The following RIMS2 variants were observed in gnomAD, a reference collection of about 807,000 sequenced individuals.
RIMS2 encodes regulating synaptic membrane exocytosis 2.
RIMS2 carries 59 observed loss-of-function variants against 174.4 expected under a neutral mutation model. That is an observed-to-expected ratio of 0.34 (90% confidence interval 0.27 to 0.42). The LOEUF (loss-of-function observed/expected upper bound fraction) is 0.42, where lower values mean the gene tolerates loss of function less well. RIMS2 is among the 10% of genes least tolerant of loss of function. The pLI, the probability that RIMS2 is intolerant of heterozygous loss-of-function variation, is 1.00. For missense variants in RIMS2, 1,620 were observed against 1,666.3 expected (o/e 0.97, Z 0.48); for synonymous variants, 606 against 572.5 (o/e 1.06, Z -0.84).
At chr8:103,834,631 G>A (rs989791482) in intron 3 of RIMS2, among the ~76,000 whole-genome samples, 22 of 149,642 alleles carry the variant, frequency 1.5e-4, no homozygotes, top group Non-Finnish European at 2.7e-4. Context: ...GTTTTTGCTC[G>A]AACTCCTTCC....
intron 19 of RIMS2, among the ~76,000 whole-genome samples, chr8:104,172,153 T>C (rs1278329943): frequency 6.6e-6 from 1 of 152,208 alleles, no homozygotes; most frequent in East Asian, 1.9e-4. Flanking sequence ...ATCCCTTAGG[T>C]AGGCAATCAT....
downstream of RIMS2, chr8:104,251,982 A>G (rs983226755): frequency 2.0e-5 from 12 of 609,566 alleles, no homozygotes; most frequent in Admixed American, 1.2e-4. Context: ...AGTTGCACAC[A>G]TTGTGCCCTA....
intron 15 of RIMS2, among the ~76,000 whole-genome samples, chr8:103,967,434 T>C (rs2092194079): frequency 6.6e-6 from 1 of 151,948 alleles, no homozygotes; most frequent in South Asian, 2.1e-4. Context: ...CCCCACGTAA[T>C]CCACCAGCCT....
chr8:103,885,754 G>T lies in RIMS2; in HGVS notation c.1155G>T (p.Met385Ile), dbSNP rs535325892. The T allele has an allele frequency of 1.9e-6, 3 of 1,612,986 alleles. No homozygotes were observed. In the East Asian group the frequency reaches 6.7e-5, roughly 36 times the overall value. The change falls in exon 4 of 24, where the codon ATG becomes ATT. Residue 385 changes from methionine (M) to isoleucine (I), a missense_variant. Met to Ile is a conservative substitution (Grantham distance 10). Transcript: ENST00000504942. Reference sequence around the variant, plus strand: ...ATCTGGAAGATTCCAGGATTTCTATGCTAAGGATGGATCGACCATCAAGGC... The same window carrying T: ...ATCTGGAAGATTCCAGGATTTCTATTCTAAGGATGGATCGACCATCAAGGC...
chr8:104,204,068 C>T (rs553256860), intron 19 of RIMS2, among the ~76,000 whole-genome samples: 1 of 152,112 alleles, frequency 6.6e-6, no homozygotes, highest in Admixed American at 6.6e-5. Flanking sequence ...CCATTCCACC[C>T]ACATTAAAAA....
chr8:103,597,639 A>T (rs2094528438), intron 1 of RIMS2, among the ~76,000 whole-genome samples: 1 of 152,080 alleles, frequency 6.6e-6, no homozygotes, highest in Non-Finnish European at 1.5e-5. Flanking sequence ...TATATATAGA[A>T]CTACAGTGAT....
chr8:104,225,253 A>G (rs2099179616), intron 19 of RIMS2, among the ~76,000 whole-genome samples: 1 of 152,120 alleles, frequency 6.6e-6, no homozygotes, highest in Non-Finnish European at 1.5e-5. Context: ...GAGTTCCGAA[A>G]TTTGCCCAGG....
intron 4 of RIMS2, among the ~76,000 whole-genome samples, chr8:103,904,622 A>C (rs1303108014): frequency 6.6e-6 from 1 of 152,096 alleles, no homozygotes; most frequent in Admixed American, 6.5e-5. Context: ...CCAGTCTTGC[A>C]TTCCAGGAAT....
chr8:103,717,761 A>G (rs933163545), intron 2 of RIMS2, among the ~76,000 whole-genome samples: 4 of 152,212 alleles, frequency 2.6e-5, no homozygotes, highest in African/African-American at 9.6e-5. Flanking sequence ...TGCAAATAAA[A>G]TTCAGCAGGC....
chr8:103,501,709 T>G (rs915539554), intron 1 of RIMS2: 1 of 152,566 alleles, frequency 6.6e-6, no homozygotes, highest in East Asian at 1.9e-4. Context: ...TGCACTCTGC[T>G]GCTCTTCCTG....
At chr8:103,686,298 T>A (rs1244879228) in intron 1 of RIMS2, among the ~76,000 whole-genome samples, 1 of 152,214 alleles carries the variant, frequency 6.6e-6, no homozygotes, top group African/African-American at 2.4e-5. Context: ...TTTTCCTTTC[T>A]AATCTGTAAG....
At chr8:103,728,330 G>A (rs916608567) in intron 2 of RIMS2, among the ~76,000 whole-genome samples, 1 of 151,904 alleles carries the variant, frequency 6.6e-6, no homozygotes, top group Non-Finnish European at 1.5e-5. Context: ...ATAGTTTTTT[G>A]GTGGAGTCTT....
chr8:103,648,570 G>T (rs1294720407), intron 1 of RIMS2, among the ~76,000 whole-genome samples: 1 of 151,986 alleles, frequency 6.6e-6, no homozygotes, highest in Non-Finnish European at 1.5e-5. Context: ...TATTGTTTGG[G>T]AATTTTAAGT....
intron 19 of RIMS2, among the ~76,000 whole-genome samples, chr8:104,035,378 T>C (rs185555533): frequency 6.6e-6 from 1 of 152,164 alleles, no homozygotes; most frequent in African/African-American, 2.4e-5. Context: ...CTATAATATT[T>C]TAATGTGTAC....
At chr8:104,233,465 C>T (rs2099242173) in intron 19 of RIMS2, among the ~76,000 whole-genome samples, 1 of 152,160 alleles carries the variant, frequency 6.6e-6, no homozygotes. Context: ...AACAATCAGT[C>T]ATCTGTAGGA....
At chr8:103,919,502 T>C (rs1372916448) in intron 9 of RIMS2, among the ~76,000 whole-genome samples, 2 of 151,718 alleles carry the variant, frequency 1.3e-5, no homozygotes, top group African/African-American at 4.8e-5. Flanking sequence ...TGTTAAAATC[T>C]GGCTACTAGA....
chr8:103,984,460 ACATCATTGAT>A (rs1230672114), intron 16 of RIMS2, among the ~76,000 whole-genome samples: 1 of 152,238 alleles, frequency 6.6e-6, no homozygotes. Context: ...AAGATTCTCA[ACATCATTGAT>A]CATCAGAGAA....
chr8:103,586,227 A>G (rs1302505844), intron 1 of RIMS2, among the ~76,000 whole-genome samples: 2 of 152,202 alleles, frequency 1.3e-5, no homozygotes, highest in Non-Finnish European at 2.9e-5. Context: ...CAGACTTAAT[A>G]TTCACTATAG....
At chr8:103,657,482 ATTTAC>A (rs1278966980) in intron 1 of RIMS2, among the ~76,000 whole-genome samples, 4 of 152,176 alleles carry the variant, frequency 2.6e-5, no homozygotes, top group African/African-American at 9.7e-5. Context: ...TTTGATTCTT[ATTTAC>A]TGCAATGAGA....
Sources: allele counts gnomAD v4.1 joint callset (sites outside exome capture counted in the v4.1 genomes callset), GRCh38; gene constraint gnomAD v4.1.1; transcripts MANE v1.5; gene names NCBI Gene and HGNC (gene_info 2026-07-23, HGNC 2026-07-21).